FRMD5: variants seen among roughly 807,000 people sequenced by gnomAD.
The protein encoded by FRMD5 is FERM domain-containing protein 5.
FRMD5 carries 20 observed loss-of-function variants against 69.0 expected under a neutral mutation model. The observed-to-expected ratio is 0.29, with a 90% CI of 0.20 to 0.42. The LOEUF (loss-of-function observed/expected upper bound fraction) is 0.42, where lower values mean the gene tolerates loss of function less well. Ranked by LOEUF, FRMD5 falls within the 10% of genes least tolerant of loss-of-function variation. FRMD5 has a pLI of 1.00. For synonymous variants in FRMD5, 271 were observed against 260.1 expected (o/e 1.04, Z -0.40); for missense variants, 595 against 708.6 (o/e 0.84, Z 1.82).
At chr15:44,060,972 T>C (rs1464945082) in intron 1 of FRMD5, among the ~76,000 whole-genome samples, 1 of 152,230 alleles carries the variant, frequency 6.6e-6, no homozygotes, top group African/African-American at 2.4e-5. Context: ...AGACATAATG[T>C]CTAGTATACA....
intron 2 of FRMD5, among the ~76,000 whole-genome samples, chr15:43,920,323 T>C (rs2089472224): frequency 6.6e-6 from 1 of 152,216 alleles, no homozygotes; most frequent in Non-Finnish European, 1.5e-5. Flanking sequence ...GGCTGGTATA[T>C]ATTCCATCTT....
chr15:43,989,699 G>C (rs1889576199), intron 1 of FRMD5: 1 of 998,948 alleles, frequency 1.0e-6, no homozygotes, highest in Non-Finnish European at 1.6e-6. Flanking sequence ...GATGGGCACA[G>C]TGTGGGTGAC....
chr15:43,943,495 C>T (rs1006387728), intron 1 of FRMD5, among the ~76,000 whole-genome samples: 9 of 152,316 alleles, frequency 5.9e-5, no homozygotes, highest in African/African-American at 2.2e-4. Flanking sequence ...CCCCAAAATT[C>T]ATGTTCACAC....
intron 1 of FRMD5, among the ~76,000 whole-genome samples, chr15:44,066,127 T>A (rs1324149165): frequency 6.6e-6 from 1 of 152,152 alleles, no homozygotes. Flanking sequence ...GTCTACCCCA[T>A]GTTTTCTGCT....
At chr15:44,148,500 T>C (rs1468562344) in intron 1 of FRMD5, among the ~76,000 whole-genome samples, 2 of 152,146 alleles carry the variant, frequency 1.3e-5, no homozygotes, top group Non-Finnish European at 2.9e-5. Context: ...CTCTATCTCC[T>C]GACCTCATGA....
chr15:44,076,210 T>C (rs1893757679), intron 1 of FRMD5, among the ~76,000 whole-genome samples: 1 of 152,056 alleles, frequency 6.6e-6, no homozygotes, highest in Non-Finnish European at 1.5e-5. Context: ...TGGAAGTCAG[T>C]GTGGCAATTC....
chr15:44,192,369 T>C (rs2078211321), intron 1 of FRMD5, among the ~76,000 whole-genome samples: 2 of 152,216 alleles, frequency 1.3e-5, no homozygotes, highest in Non-Finnish European at 2.9e-5. Context: ...CTGATTATGC[T>C]AAGGCAGTAA....
At chr15:43,885,655 A>C (rs1287970885) in intron 11 of FRMD5, 26 bp downstream of exon 11, 1 of 1,578,224 alleles carries the variant, frequency 6.3e-7, no homozygotes, top group Non-Finnish European at 8.7e-7. Flanking sequence ...ATAGATCCAT[A>C]ATGGTTACTT....
At chr15:44,181,362 T>C (rs1009073969) in intron 1 of FRMD5, among the ~76,000 whole-genome samples, 1 of 152,092 alleles carries the variant, frequency 6.6e-6, no homozygotes, top group African/African-American at 2.4e-5. Flanking sequence ...TTTTTTATTA[T>C]GCAATAGTTA....
At chr15:43,888,943 ACAG>A in intron 8 of FRMD5, 71 bp from the exon 9 acceptor site, 1 of 1,340,896 alleles carries the variant, frequency 7.5e-7, no homozygotes. Flanking sequence ...TTGTAGATGC[ACAG>A]CCCACCCCAA....
At chr15:44,121,610 ATCTT>A (rs2076952288) in intron 1 of FRMD5, among the ~76,000 whole-genome samples, 2 of 151,888 alleles carry the variant, frequency 1.3e-5, no homozygotes. Context: ...AGTTTTCTAG[ATCTT>A]TCATGGGTAT....
At chr15:43,882,283 A>C (rs1047120069) in intron 13 of FRMD5, among the ~76,000 whole-genome samples, 1 of 152,178 alleles carries the variant, frequency 6.6e-6, no homozygotes, top group African/African-American at 2.4e-5. Context: ...CTCCAAAGGA[A>C]GGGAGTCTGG....
chr15:44,187,174 T>G (rs180829999), intron 1 of FRMD5, among the ~76,000 whole-genome samples: 1 of 152,230 alleles, frequency 6.6e-6, no homozygotes, highest in African/African-American at 2.4e-5. Context: ...AGAGTCCTCT[T>G]GGAAATAAAA....
In FRMD5 at chr15:43,873,289, C is replaced by T. The variant is rs2088213686; in HGVS notation, c.*596G>A. The stretch of plus-strand genomic sequence containing the variant: ...TCAGACCATCATAAGAAGCAACTTT[C>T]CATTTAATCATTCTACATGGATGTT... On this transcript the variant is annotated 3_prime_UTR_variant, in exon 14 of 14. Coordinates refer to ENST00000417257, the MANE Select transcript of FRMD5 (RefSeq NM_032892.5). The T allele has an allele frequency of 2.6e-6, 4 of 1,534,952 alleles. No homozygotes were observed. The highest frequency in any genetic ancestry group is 2.5e-5 in the South Asian group (2 of 81,548).
chr15:44,018,356 G>A (rs1891063025), intron 1 of FRMD5, among the ~76,000 whole-genome samples: 1 of 152,202 alleles, frequency 6.6e-6, no homozygotes, highest in African/African-American at 2.4e-5. Context: ...TCTAAAAAGG[G>A]AGGGGTAACT....
At chr15:44,037,470 T>TC (rs1491327279) in intron 1 of FRMD5, among the ~76,000 whole-genome samples, 1 of 127,238 alleles carries the variant, frequency 7.9e-6, no homozygotes, top group African/African-American at 3.6e-5. Flanking sequence ...GTCTTTTCTC[T>TC]TTTTTTTTTT....
chr15:44,166,159 T>G (rs1417313678), intron 1 of FRMD5, among the ~76,000 whole-genome samples: 8 of 152,246 alleles, frequency 5.3e-5, no homozygotes, highest in Admixed American at 5.2e-4. Context: ...TTACAGTTTT[T>G]GCTTACTAGT....
intron 1 of FRMD5, among the ~76,000 whole-genome samples, chr15:44,173,460 T>C (rs373415852): frequency 6.6e-6 from 1 of 151,944 alleles, no homozygotes; most frequent in East Asian, 1.9e-4. Flanking sequence ...ATGAGAGACA[T>C]AGGACAGAGG....
intron 1 of FRMD5, among the ~76,000 whole-genome samples, chr15:44,169,985 G>A (rs1163901713): frequency 3.9e-5 from 6 of 152,170 alleles, no homozygotes; most frequent in African/African-American, 7.2e-5. Flanking sequence ...CTGGAGAAGA[G>A]ATAGTATCAA....
Sources: allele counts gnomAD v4.1 joint callset (sites outside exome capture counted in the v4.1 genomes callset), GRCh38; gene constraint gnomAD v4.1.1; transcripts MANE v1.5; gene names NCBI Gene and HGNC (gene_info 2026-07-23, HGNC 2026-07-21).